The following LRIF1 variants were observed in gnomAD, a reference collection of about 807,000 sequenced individuals.
The protein encoded by LRIF1 is ligand dependent nuclear receptor interacting factor 1, also known as ligand-dependent nuclear receptor-interacting factor 1.
In LRIF1, 32 loss-of-function variants were observed where a neutral mutation model predicts 52.7. That is an observed-to-expected ratio of 0.61 (90% confidence interval 0.46 to 0.82). The LOEUF is 0.82. Ranked by LOEUF, LRIF1 falls within the 40% of genes least tolerant of loss-of-function variation. The pLI is 0.00. For synonymous variants in LRIF1, 323 were observed against 317.4 expected (o/e 1.02, Z -0.19); for missense variants, 887 against 892.0 (o/e 0.99, Z 0.07).
chr1:110,891,559 T>TA, the LRIF1 span: 1 of 968,550 alleles, frequency 1.0e-6, no homozygotes, highest in Non-Finnish European at 1.7e-6. Context: ...TGGTGTGGGG[T>TA]AAAATGCATG....
At chr1:110,898,894 A>G in the LRIF1 span, among the ~76,000 whole-genome samples, 1 of 152,158 alleles carries the variant, frequency 6.6e-6, no homozygotes, top group Admixed American at 6.5e-5. Flanking sequence ...AAGATAAAAC[A>G]TGCTCCAGTA....
At chr1:110,945,072 C>T, downstream of LRIF1, 1 of 152,108 alleles carries the variant, frequency 6.6e-6, no homozygotes, top group Non-Finnish European at 1.5e-5. Context: ...AAATTTTTGG[C>T]AAAGATGGGG....
the LRIF1 span, chr1:110,894,331 T>A: frequency 6.2e-7 from 1 of 1,614,054 alleles, no homozygotes; most frequent in Non-Finnish European, 8.5e-7. Context: ...TCCCAGTTCT[T>A]CATCCTGCTG....
chr1:110,937,670 T>C, the LRIF1 span: 1 of 151,614 alleles, frequency 6.6e-6, no homozygotes, highest in African/African-American at 2.4e-5. Context: ...CTTAAAGAAC[T>C]AGAAAAGCAA....
chr1:110,918,054 C>T, the LRIF1 span, among the ~76,000 whole-genome samples: 22 of 152,070 alleles, frequency 1.4e-4, no homozygotes, highest in African/African-American at 4.8e-4. Context: ...AAATTAAAAA[C>T]TTTTAACAAA....
chr1:110,960,497 G>A (rs1456701795), intron 1 of LRIF1, among the ~76,000 whole-genome samples: 3 of 152,164 alleles, frequency 2.0e-5, no homozygotes, highest in Admixed American at 1.3e-4. Flanking sequence ...GAAGATAGCT[G>A]CCAATGGCCA....
the LRIF1 span, among the ~76,000 whole-genome samples, chr1:110,893,506 GA>G: frequency 6.6e-6 from 1 of 152,152 alleles, no homozygotes; most frequent in Non-Finnish European, 1.5e-5. Context: ...ATTTTTAGTA[GA>G]GACAGGGTTT....
downstream of LRIF1, chr1:110,943,890 G>A (rs1557834631): frequency 6.6e-6 from 1 of 152,132 alleles, no homozygotes; most frequent in Non-Finnish European, 1.5e-5. Context: ...GACAAGTAGA[G>A]GGCTACAATA....
chr1:110,903,501 G>C, the LRIF1 span, among the ~76,000 whole-genome samples: 1 of 152,210 alleles, frequency 6.6e-6, no homozygotes, highest in African/African-American at 2.4e-5. Context: ...CTCTTGGATA[G>C]CATTTCTAGA....
At chr1:110,891,570 C>T in the LRIF1 span, 21 of 873,418 alleles carry the variant, frequency 2.4e-5, no homozygotes, top group East Asian at 2.0e-4. Context: ...AAAATGCATG[C>T]GTGTTTGGGT....
chr1:110,907,694 A>C, the LRIF1 span, among the ~76,000 whole-genome samples: 3 of 152,172 alleles, frequency 2.0e-5, no homozygotes, highest in African/African-American at 7.2e-5. Context: ...AGATTGCACC[A>C]CGGCACTCCA....
At chr1:110,924,903 T>G in the LRIF1 span, among the ~76,000 whole-genome samples, 1 of 152,196 alleles carries the variant, frequency 6.6e-6, no homozygotes, top group Non-Finnish European at 1.5e-5. Context: ...ACTAACGTAA[T>G]TCATCATATT....
At chr1:110,885,341 G>A in the LRIF1 span, among the ~76,000 whole-genome samples, 2 of 151,908 alleles carry the variant, frequency 1.3e-5, no homozygotes, top group East Asian at 1.9e-4. Flanking sequence ...ACAAGGTCAG[G>A]AGATCGAGAC....
the LRIF1 span, among the ~76,000 whole-genome samples, chr1:110,889,341 G>A: frequency 6.6e-6 from 1 of 151,834 alleles, no homozygotes; most frequent in Non-Finnish European, 1.5e-5. Context: ...TAGATCACCA[G>A]GTCAGGAGTT....
the LRIF1 span, among the ~76,000 whole-genome samples, chr1:110,904,117 A>C: frequency 6.6e-6 from 1 of 152,152 alleles, no homozygotes; most frequent in Non-Finnish European, 1.5e-5. Context: ...AGTACAATAG[A>C]ATATCAGCTA....
At chr1:110,961,144 C>T (rs540175825) in intron 1 of LRIF1, among the ~76,000 whole-genome samples, 28 of 152,312 alleles carry the variant, frequency 1.8e-4, no homozygotes, top group South Asian at 8.3e-4. Flanking sequence ...CCCAACTCAG[C>T]TGTTCTTGGA....
At chr1:110,919,530 A>ATATC in the LRIF1 span, among the ~76,000 whole-genome samples, 2 of 152,098 alleles carry the variant, frequency 1.3e-5, no homozygotes, top group Non-Finnish European at 2.9e-5. Flanking sequence ...ACTCCCCTTT[A>ATATC]TATCTATCTA....
intron 3 of LRIF1, among the ~76,000 whole-genome samples, chr1:110,948,769 T>C (rs1658325338): frequency 6.6e-6 from 1 of 152,244 alleles, no homozygotes; most frequent in Admixed American, 6.5e-5. Context: ...AAAGGTTTAC[T>C]AGTCTCTGAT....
chr1:110,894,669 G>GA, the LRIF1 span, among the ~76,000 whole-genome samples: 25 of 152,282 alleles, frequency 1.6e-4, no homozygotes, highest in African/African-American at 6.0e-4. Flanking sequence ...TGGCAGGAGA[G>GA]AATGTCTGCC....
Sources: gnomAD v4.1 joint callset for allele counts (sites outside exome capture counted in the v4.1 genomes callset) on GRCh38, gnomAD v4.1.1 for gene constraint, MANE v1.5 for transcripts, NCBI Gene and HGNC (gene_info 2026-07-23, HGNC 2026-07-21) for gene names.